Variants in PACC1 observed in about 807,000 individuals in gnomAD.
PACC1 encodes the protein proton activated chloride channel 1, also known as proton-activated chloride channel.
In PACC1, 34 loss-of-function variants were observed where a neutral mutation model predicts 39.7. The ratio of observed to expected loss-of-function variants is 0.86; its 90% CI spans 0.65 to 1.14. PACC1 has a LOEUF of 1.14. PACC1 is among the 50% of genes most tolerant of loss of function. PACC1 has a pLI of 0.00. For synonymous variants in PACC1, 127 were observed against 160.6 expected, an observed-to-expected ratio of 0.79 and a Z score of 1.58; for missense variants, 379 against 436.4, an observed-to-expected ratio of 0.87 and a Z score of 1.17.
chr1:212,369,105 G>A (rs558485011), intron 7 of PACC1, among the ~76,000 whole-genome samples: 5 of 151,900 alleles, frequency 3.3e-5, no homozygotes, highest in Admixed American at 2.6e-4. Flanking sequence ...TGGAGTTGAA[G>A]TGTAGTTTTA....
intron 2 of PACC1, among the ~76,000 whole-genome samples, chr1:212,399,797 G>A (rs993531343): frequency 6.6e-6 from 1 of 152,104 alleles, no homozygotes; most frequent in African/African-American, 2.4e-5. Context: ...ACCCGCCTCG[G>A]CCTCCTAAAA....
chr1:212,386,546 C>T lies in PACC1; in HGVS notation c.343+345G>A, dbSNP rs183665716. ...TCATCCTCTCCAGAGAAGCCCTCTG[C>T]CTCCCTAGACACCCCTTCGCTCTGC... On this transcript the variant is annotated intron_variant, in intron 3 of 7. Coordinates refer to ENST00000261455, the MANE Select transcript of PACC1 (RefSeq NM_018252.3). This position sits in a 1 kb window ranked among gnomAD's most constrained non-coding sequence, Gnocchi z 5.0. 1.4e-4 allele frequency among the ~76,000 whole-genome samples: 21 copies of T among 152,262 alleles called. No homozygotes were observed. Among genetic ancestry groups the T allele is most frequent in the Admixed American group, 1.4e-3 (21 of 15,298 alleles).
intron 2 of PACC1, among the ~76,000 whole-genome samples, chr1:212,389,931 T>C (rs1168110640): frequency 6.6e-6 from 1 of 151,394 alleles, no homozygotes; most frequent in Non-Finnish European, 1.5e-5. Flanking sequence ...AAGAAATAAA[T>C]GAAATAAAAA....
In PACC1 at chr1:212,414,771, G is replaced by A. The variant is rs770621188; in HGVS notation, c.-14C>T. The A allele has an allele frequency of 7.4e-6, 12 of 1,612,754 alleles. No homozygotes were observed. The highest frequency in any genetic ancestry group is 1.7e-5 in the Admixed American group (1 of 59,952). ...CTGCCGGATCATGGCACTGACCAGA[G>A]CTTCGGCACACCTGAGACCGCCCCA... On this transcript the variant is annotated 5_prime_UTR_variant, in exon 1 of 8. Coordinates refer to ENST00000261455, the MANE Select transcript of PACC1 (RefSeq NM_018252.3).
intron 2 of PACC1, among the ~76,000 whole-genome samples, chr1:212,402,778 C>A (rs1326746447): frequency 6.6e-6 from 1 of 152,148 alleles, no homozygotes; most frequent in East Asian, 1.9e-4. Context: ...CCTCAGCCTT[C>A]TGAGTAGCTG....
chr1:212,378,677 G>T (rs1470845656), intron 5 of PACC1, among the ~76,000 whole-genome samples: 1 of 152,186 alleles, frequency 6.6e-6, no homozygotes, highest in Non-Finnish European at 1.5e-5. Context: ...CTTTCTGATG[G>T]TCAGGGGACA....
intron 2 of PACC1, among the ~76,000 whole-genome samples, chr1:212,389,899 A>G (rs904612185): frequency 3.3e-5 from 5 of 152,186 alleles, no homozygotes; most frequent in Non-Finnish European, 5.9e-5. Flanking sequence ...TTAAAAAAAC[A>G]GATGGAAATT....
At chr1:212,391,741 C>T (rs1661326188) in intron 2 of PACC1, among the ~76,000 whole-genome samples, 2 of 152,070 alleles carry the variant, frequency 1.3e-5, no homozygotes. Flanking sequence ...GCAGAGAAGT[C>T]CTTAAAGGAC....
chr1:212,396,951 T>C (rs773326252), intron 2 of PACC1, among the ~76,000 whole-genome samples: 1 of 151,642 alleles, frequency 6.6e-6, no homozygotes, highest in Non-Finnish European at 1.5e-5. Flanking sequence ...AGAAAAAAAA[T>C]TTTTTGTCTA....
intron 7 of PACC1, among the ~76,000 whole-genome samples, chr1:212,374,933 T>A (rs1395430122): frequency 6.6e-6 from 1 of 151,938 alleles, no homozygotes; most frequent in African/African-American, 2.4e-5. Flanking sequence ...AAAATGAAAG[T>A]CCCCCTCCTT....
At chr1:212,382,529 G>C (rs1043677367) in intron 4 of PACC1, among the ~76,000 whole-genome samples, 4 of 152,154 alleles carry the variant, frequency 2.6e-5, no homozygotes, top group Non-Finnish European at 5.9e-5. Context: ...ATGAAAGAAA[G>C]CACCAGAAAA....
intron 4 of PACC1, among the ~76,000 whole-genome samples, chr1:212,383,268 T>C (rs1660972862): frequency 6.6e-6 from 1 of 152,188 alleles, no homozygotes; most frequent in Non-Finnish European, 1.5e-5. Flanking sequence ...ATTATGTAAC[T>C]ATTGTAACAA....
At chr1:212,412,055 C>T (rs1302149972) in intron 1 of PACC1, among the ~76,000 whole-genome samples, 2 of 151,916 alleles carry the variant, frequency 1.3e-5, no homozygotes, top group African/African-American at 4.8e-5. Flanking sequence ...GCAGGAGAAT[C>T]TCTTGAACCC....
intron 1 of PACC1, chr1:212,413,947 G>A (rs1329570911): frequency 2.0e-6 from 3 of 1,535,586 alleles, no homozygotes; most frequent in Admixed American, 3.9e-5. Context: ...GAGGGGCACA[G>A]AAGAGGACGG....
chr1:212,414,585 C>A (rs998698545), intron 1 of PACC1, 137 bp downstream of exon 1: 2 of 1,127,266 alleles, frequency 1.8e-6, no homozygotes, highest in Non-Finnish European at 2.6e-6. Context: ...CGGGAGCCCT[C>A]CCCTGACGCA....
chr1:212,413,105 C>T (rs1662195582), intron 1 of PACC1, among the ~76,000 whole-genome samples: 1 of 152,208 alleles, frequency 6.6e-6, no homozygotes, highest in South Asian at 2.1e-4. Flanking sequence ...AGGATTCCCC[C>T]ACTGTTTAGG....
chr1:212,406,258 T>G (rs535951835), intron 2 of PACC1, among the ~76,000 whole-genome samples: 2 of 152,262 alleles, frequency 1.3e-5, no homozygotes, highest in South Asian at 4.1e-4. Flanking sequence ...GGCTCACGCC[T>G]GTAATCCCAG....
At chr1:212,404,719 T>C (rs1661844015) in intron 2 of PACC1, among the ~76,000 whole-genome samples, 2 of 150,928 alleles carry the variant, frequency 1.3e-5, no homozygotes, top group South Asian at 2.1e-4. Context: ...TTTTTTTTTT[T>C]CCAAGTAGCT....
intron 2 of PACC1, among the ~76,000 whole-genome samples, chr1:212,404,778 T>G (rs980634984): frequency 1.3e-5 from 2 of 151,946 alleles, no homozygotes; most frequent in Non-Finnish European, 2.9e-5. Flanking sequence ...ATTTGTATTT[T>G]TATTTTTTGA....
Sources: allele counts gnomAD v4.1 joint callset (sites outside exome capture counted in the v4.1 genomes callset), GRCh38; gene constraint gnomAD v4.1.1; non-coding constraint Gnocchi (gnomAD v3.1); transcripts MANE v1.5; gene names NCBI Gene and HGNC (gene_info 2026-07-23, HGNC 2026-07-21).